The following FRMD4B variants were observed in gnomAD, a reference collection of about 807,000 sequenced individuals.
FRMD4B encodes FERM domain-containing protein 4B.
In FRMD4B, 74 loss-of-function variants were observed where a neutral mutation model predicts 141.5. That is an observed-to-expected ratio of 0.52 (90% confidence interval 0.43 to 0.63). FRMD4B has a LOEUF of 0.63. Ranked by LOEUF, FRMD4B falls within the 30% of genes least tolerant of loss-of-function variation. The probability of loss-of-function intolerance (pLI) is 0.00; values close to 1 mark genes in which losing one functional copy is unlikely to be tolerated. For missense variants in FRMD4B, 1,366 were observed against 1,253.4 expected (o/e 1.09, Z -1.36); for synonymous variants, 506 against 467.9 (o/e 1.08, Z -1.05).
chr3:69,204,107 G>A (rs1391363910), intron 11 of FRMD4B, among the ~76,000 whole-genome samples: 3 of 151,996 alleles, frequency 2.0e-5, no homozygotes, highest in Admixed American at 1.3e-4. Context: ...GGCTGGTCAC[G>A]GCATGCCCCA....
At chr3:69,384,323 T>A (rs1396027560) in intron 1 of FRMD4B, among the ~76,000 whole-genome samples, 1 of 152,220 alleles carries the variant, frequency 6.6e-6, no homozygotes, top group Non-Finnish European at 1.5e-5. Context: ...AGATAAGCCA[T>A]AAATCCTCTG....
intron 1 of FRMD4B, among the ~76,000 whole-genome samples, chr3:69,339,160 C>T (rs1316848449): frequency 3.3e-5 from 5 of 152,154 alleles, no homozygotes; most frequent in African/African-American, 1.2e-4. Flanking sequence ...AGTTTCCTTT[C>T]ATTTCCTTTA....
intron 2 of FRMD4B, among the ~76,000 whole-genome samples, chr3:69,409,503 G>T (rs1034508966): frequency 5.3e-5 from 8 of 152,162 alleles, no homozygotes; most frequent in African/African-American, 1.9e-4. Context: ...CTGCCAAGGG[G>T]TTGGCCAGAT....
intron 1 of FRMD4B, among the ~76,000 whole-genome samples, chr3:69,385,625 G>GC (rs1057477891): frequency 6.6e-6 from 1 of 152,150 alleles, no homozygotes; most frequent in African/African-American, 2.4e-5. Context: ...TCTCGCAAGT[G>GC]CCCCCCATGC....
intron 1 of FRMD4B, among the ~76,000 whole-genome samples, chr3:69,490,806 C>T (rs1329229659): frequency 2.0e-5 from 3 of 152,148 alleles, no homozygotes; most frequent in East Asian, 1.9e-4. Context: ...TAATAAGAGA[C>T]GTTGGCCGAT....
chr3:69,531,600 A>G (rs1701009234), intron 1 of FRMD4B, among the ~76,000 whole-genome samples: 1 of 152,248 alleles, frequency 6.6e-6, no homozygotes, highest in African/African-American at 2.4e-5. Context: ...CAAGATGACA[A>G]AGTTACATTT....
intron 9 of FRMD4B, 109 bp from the exon 10 acceptor site, chr3:69,218,488 A>T: frequency 1.7e-6 from 1 of 583,000 alleles, no homozygotes; most frequent in Non-Finnish European, 3.0e-6. Context: ...TTATAAGAAT[A>T]ATTAATATGT....
At chr3:69,437,822 A>G (rs867840142) in intron 1 of FRMD4B, among the ~76,000 whole-genome samples, 2 of 127,674 alleles carry the variant, frequency 1.6e-5, no homozygotes, top group Non-Finnish European at 3.1e-5. Context: ...TATACTATAT[A>G]TATTTATATT....
intron 1 of FRMD4B, among the ~76,000 whole-genome samples, chr3:69,537,927 C>T (rs969097475): frequency 1.2e-4 from 19 of 152,212 alleles, no homozygotes; most frequent in African/African-American, 4.6e-4. Context: ...CTTTGATGTC[C>T]TCTGTCTACA....
chr3:69,479,516 A>C (rs931298582), intron 1 of FRMD4B, among the ~76,000 whole-genome samples: 2 of 152,128 alleles, frequency 1.3e-5, no homozygotes, highest in Non-Finnish European at 2.9e-5. Context: ...CTTTTCTTTA[A>C]TAATGTTGAA....
chr3:69,440,347 T>C (rs1705324931), intron 1 of FRMD4B, among the ~76,000 whole-genome samples: 1 of 152,256 alleles, frequency 6.6e-6, no homozygotes, highest in African/African-American at 2.4e-5. Flanking sequence ...TCCTATATCA[T>C]ATAGAAAGAA....
chr3:69,177,922 G>T (rs1021773669), intron 21 of FRMD4B, among the ~76,000 whole-genome samples: 1 of 152,128 alleles, frequency 6.6e-6, no homozygotes, highest in African/African-American at 2.4e-5. Context: ...TATGTGTTGG[G>T]GTGTGGATTG....
chr3:69,436,421 T>C (rs934410481), intron 1 of FRMD4B, among the ~76,000 whole-genome samples: 2 of 152,126 alleles, frequency 1.3e-5, no homozygotes, highest in African/African-American at 4.8e-5. Context: ...GACGGATATT[T>C]GGGGAATGAA....
chr3:69,193,872 T>G lies in FRMD4B; in HGVS notation c.1490A>C (p.Asp497Ala). 6.3e-7 allele frequency: 1 copy of G among 1,582,184 alleles called. No homozygotes were observed. Among genetic ancestry groups the G allele is most frequent in the Non-Finnish European group, 8.7e-7 (1 of 1,154,480 alleles). Residue 497 changes from aspartate to alanine, a missense_variant and splice_region_variant, in exon 17 of 23, where the codon GAT (aspartate) becomes GCT (alanine). Coordinates refer to ENST00000398540, the MANE Select transcript of FRMD4B (RefSeq NM_015123.3). ...LDDNLLPSEEDPALQELESNF... is the reference protein window; with the variant it reads ...LDDNLLPSEEAPALQELESNF... ...ACTCTCCAGTTCTTGCAAAGCAGGA[T>G]CCTGCATTTATACAATGATAGTTTT... is the stretch of plus-strand genomic sequence containing the variant.
At chr3:69,338,953 C>G (rs924123149) in intron 1 of FRMD4B, among the ~76,000 whole-genome samples, 2 of 152,152 alleles carry the variant, frequency 1.3e-5, no homozygotes, top group Non-Finnish European at 2.9e-5. Flanking sequence ...TAAAACTATT[C>G]TTCTCTGCCC....
chr3:69,410,242 A>G (rs9846189), intron 2 of FRMD4B, among the ~76,000 whole-genome samples: 49,178 of 152,020 alleles, frequency 0.32, 8,098 homozygotes, highest in African/African-American at 0.35. Flanking sequence ...GGCCAATTTC[A>G]AGTTCCAAAA....
At chr3:69,483,889 T>G (rs10510977) in intron 1 of FRMD4B, among the ~76,000 whole-genome samples, 17,184 of 152,198 alleles carry the variant, frequency 0.11, 1,060 homozygotes, top group South Asian at 0.19. Context: ...AACAAATAAA[T>G]AATGAAACCA....
At chr3:69,299,307 C>T (rs1220803282) in intron 4 of FRMD4B, among the ~76,000 whole-genome samples, 1 of 152,144 alleles carries the variant, frequency 6.6e-6, no homozygotes, top group Non-Finnish European at 1.5e-5. Flanking sequence ...ATGGCATAAA[C>T]AGTAATCTCT....
Position 69,195,006 on chromosome 3 carries a change from G to C in FRMD4B, c.1488+16C>G. The stretch of plus-strand genomic sequence containing the variant: ...GTCTTATGATTAATTGAAAGGCTCA[G>C]AGGCGTTGTTCATACTTCTTCACTC... On this transcript the variant is annotated intron_variant, in intron 16 of 22. Transcript: ENST00000398540. The C allele has an allele frequency of 6.2e-7, 1 of 1,610,120 alleles. No homozygotes were observed. The highest frequency in any genetic ancestry group is 8.5e-7 in the Non-Finnish European group (1 of 1,177,504).
Sources: allele counts gnomAD v4.1 joint callset (sites outside exome capture counted in the v4.1 genomes callset), GRCh38; gene constraint gnomAD v4.1.1; transcripts MANE v1.5; gene names NCBI Gene and HGNC (gene_info 2026-07-23, HGNC 2026-07-21).